GPD2: variants seen among roughly 807,000 people sequenced by gnomAD.
The protein encoded by GPD2 is glycerol-3-phosphate dehydrogenase, mitochondrial.
GPD2 carries 54 observed loss-of-function variants against 82.4 expected under a neutral mutation model. The ratio of observed to expected loss-of-function variants is 0.66; its 90% CI spans 0.53 to 0.82. The LOEUF is 0.82. Among genes scored for constraint, GPD2 ranks in the 40% least tolerant of loss-of-function variants. GPD2 has a pLI of 0.00. For missense variants in GPD2, 748 were observed against 896.2 expected, an observed-to-expected ratio of 0.83 and a Z score of 2.11; for synonymous variants, 288 against 306.1, an observed-to-expected ratio of 0.94 and a Z score of 0.62.
At chr2:156,530,972 A>G (rs936088881) in intron 6 of GPD2, among the ~76,000 whole-genome samples, 1 of 152,152 alleles carries the variant, frequency 6.6e-6, no homozygotes, top group East Asian at 1.9e-4. Context: ...GAGTGTGGGC[A>G]TGCACCACGG....
At chr2:156,450,687 C>CATTCTTGGGA (rs1682525149) in intron 1 of GPD2, among the ~76,000 whole-genome samples, 1 of 91,056 alleles carries the variant, frequency 1.1e-5, no homozygotes, top group Non-Finnish European at 2.2e-5. Flanking sequence ...TTTTTTATTG[C>CATTCTTGGGA]TCATTCTTGG....
At position 156,447,873 on chromosome 2, in the gene GPD2, A is replaced by G. The variant is rs370793881; in HGVS notation, c.-9+11360A>G. On this transcript the variant is annotated intron_variant, in intron 1 of 16. Coordinates refer to ENST00000438166, the MANE Select transcript of GPD2 (RefSeq NM_000408.5). The stretch of plus-strand genomic sequence containing the variant: ...TTTCTCTGTTGATGCTTTTTCAACA[A>G]GTTCATCAATATCCCTGATTTCAGT... Among the ~76,000 whole-genome samples, 9 of 152,154 alleles carry G rather than the reference A, an allele frequency of 5.9e-5. No homozygotes were observed. The East Asian group carries it at 1.2e-3, about 20-fold the overall frequency.
At chr2:156,438,869 G>C (rs1682043938) in intron 1 of GPD2, among the ~76,000 whole-genome samples, 1 of 152,200 alleles carries the variant, frequency 6.6e-6, no homozygotes, top group Non-Finnish European at 1.5e-5. Flanking sequence ...AAAACAATTG[G>C]AGACCAACAT....
At chr2:156,429,099 A>C in the GPD2 span, among the ~76,000 whole-genome samples, 1 of 152,196 alleles carries the variant, frequency 6.6e-6, no homozygotes, top group Non-Finnish European at 1.5e-5. Flanking sequence ...TCTTTTTTTA[A>C]AATCATGTTA....
intron 2 of GPD2, among the ~76,000 whole-genome samples, chr2:156,490,402 C>T (rs990459934): frequency 1.3e-3 from 183 of 138,484 alleles, no homozygotes; most frequent in South Asian, 5.7e-3. Flanking sequence ...AAAAAAAAAA[C>T]AAAAATAAAA....
At chr2:156,579,654 T>A (rs1695974118) in intron 15 of GPD2, 36 bp from the exon 16 acceptor site, 1 of 1,029,638 alleles carries the variant, frequency 9.7e-7, no homozygotes, top group Non-Finnish European at 1.5e-6. Flanking sequence ...TAATTTTTAA[T>A]CAAACTGTAT....
chr2:156,444,460 C>T (rs1682284625), intron 1 of GPD2, among the ~76,000 whole-genome samples: 1 of 152,102 alleles, frequency 6.6e-6, no homozygotes, highest in Non-Finnish European at 1.5e-5. Flanking sequence ...TGCCTGTAAT[C>T]CCAGCACTTT....
chr2:156,533,842 G>T (rs151182420), intron 6 of GPD2, among the ~76,000 whole-genome samples: 492 of 152,342 alleles, frequency 3.2e-3, no homozygotes, highest in South Asian at 0.013. Context: ...GGAGCACACA[G>T]AAGGGCAGCT....
intron 1 of GPD2, among the ~76,000 whole-genome samples, chr2:156,471,497 TA>T (rs1683326902): frequency 1.3e-5 from 2 of 152,222 alleles, no homozygotes; most frequent in South Asian, 4.1e-4. Context: ...GACTTCTTTT[TA>T]AACACCATTT....
At position 156,571,300 on chromosome 2, in the gene GPD2, A is replaced by G. The variant is rs1170338438; in HGVS notation, c.1767+8A>G. 1.9e-6 allele frequency: 3 copies of G among 1,562,002 alleles called. No homozygotes were observed. The highest frequency in any genetic ancestry group is 2.6e-6 in the Non-Finnish European group (3 of 1,148,164). On this transcript the variant is annotated splice_region_variant and intron_variant, in intron 13 of 16. Coordinates refer to ENST00000438166, the MANE Select transcript of GPD2 (RefSeq NM_000408.5). The stretch of plus-strand genomic sequence containing the variant: ...GATGATTATAAGAAGCAGGTATTAT[A>G]TAGAAGTCTTTAAAACCACAATTCC...
chr2:156,407,872 A>G, the GPD2 span, among the ~76,000 whole-genome samples: 1 of 148,446 alleles, frequency 6.7e-6, no homozygotes, highest in African/African-American at 2.5e-5. Context: ...TGCATTTATT[A>G]TATTACTCTT....
the GPD2 span, among the ~76,000 whole-genome samples, chr2:156,409,309 A>G: frequency 6.6e-6 from 1 of 152,234 alleles, no homozygotes; most frequent in Non-Finnish European, 1.5e-5. Flanking sequence ...TTGACTTGGC[A>G]GAGACCAGTA....
chr2:156,541,247 A>G (rs1553475163), intron 6 of GPD2, among the ~76,000 whole-genome samples: 3 of 152,352 alleles, frequency 2.0e-5, no homozygotes, highest in East Asian at 3.9e-4. Flanking sequence ...AGCTTTGTAA[A>G]TCTTTCTTTA....
chr2:156,471,590 A>T (rs1249507716), intron 1 of GPD2, among the ~76,000 whole-genome samples: 4 of 151,702 alleles, frequency 2.6e-5, no homozygotes, highest in Non-Finnish European at 5.9e-5. Flanking sequence ...TTCTCCACCA[A>T]TTGTCTTTCT....
At chr2:156,478,563 A>T (rs1683603407) in intron 2 of GPD2, among the ~76,000 whole-genome samples, 1 of 152,196 alleles carries the variant, frequency 6.6e-6, no homozygotes, top group Admixed American at 6.5e-5. Flanking sequence ...CCTATTCCAG[A>T]CATTGACATA....
chr2:156,551,155 G>A (rs1282359927), intron 8 of GPD2, among the ~76,000 whole-genome samples: 1 of 152,020 alleles, frequency 6.6e-6, no homozygotes, highest in Non-Finnish European at 1.5e-5. Context: ...ATCTGAAGAT[G>A]TGGGCTACCC....
rs551663029 is a variant in GPD2, at chr2:156,583,698, T to C, written c.*780T>C. ...CACTGCTGGTTTTCTTTGACTATTATAGTTGCCAGGAAGATCCTTGCTCTT... is the reference window on the plus strand; with the variant it reads ...CACTGCTGGTTTTCTTTGACTATTACAGTTGCCAGGAAGATCCTTGCTCTT... On this transcript the variant is annotated 3_prime_UTR_variant, in exon 17 of 17. Coordinates refer to ENST00000438166, the MANE Select transcript of GPD2 (RefSeq NM_000408.5). The C allele has an allele frequency of 1.3e-5, 2 of 152,578 alleles. No homozygotes were observed. The highest frequency in any genetic ancestry group is 2.9e-5 in the Non-Finnish European group (2 of 68,044). The allele number at this position is 152,578 out of a possible 1,614,324, so 9.5% of individuals were successfully genotyped here.
chr2:156,522,217 C>T (rs1240946881), intron 6 of GPD2, among the ~76,000 whole-genome samples: 1 of 152,114 alleles, frequency 6.6e-6, no homozygotes, highest in Non-Finnish European at 1.5e-5. Flanking sequence ...GCTCACTTGC[C>T]CAGCATGTAT....
chr2:156,522,803 T>C (rs1008034276), intron 6 of GPD2, among the ~76,000 whole-genome samples: 1 of 152,072 alleles, frequency 6.6e-6, no homozygotes, highest in Non-Finnish European at 1.5e-5. Flanking sequence ...TCTACATTGA[T>C]AGTTTAGATA....
Sources: allele counts gnomAD v4.1 joint callset (sites outside exome capture counted in the v4.1 genomes callset), GRCh38; gene constraint gnomAD v4.1.1; transcripts MANE v1.5; gene names NCBI Gene and HGNC (gene_info 2026-07-23, HGNC 2026-07-21).